DAPK1: variants seen among roughly 807,000 people sequenced by gnomAD.
The protein encoded by DAPK1 is death associated protein kinase 1, also known as death-associated protein kinase 1.
Under a neutral mutation model 144.9 loss-of-function variants are expected in DAPK1, and 56 were observed. The observed-to-expected ratio is 0.39, with a 90% CI of 0.31 to 0.48. The LOEUF is 0.48. Among genes scored for constraint, DAPK1 ranks in the 20% least tolerant of loss-of-function variants. DAPK1 has a pLI of 0.95. For missense variants in DAPK1, 1,454 were observed against 1,875.4 expected, an observed-to-expected ratio of 0.78 and a Z score of 4.15; for synonymous variants, 690 against 749.0, an observed-to-expected ratio of 0.92 and a Z score of 1.29.
At chr9:87,536,713 G>A (rs942591726) in intron 2 of DAPK1, among the ~76,000 whole-genome samples, 7 of 151,980 alleles carry the variant, frequency 4.6e-5, no homozygotes, top group South Asian at 2.1e-4. Context: ...TTTCTTTTGC[G>A]TATTTATAGC....
At chr9:87,584,169 C>T (rs1365819077) in intron 2 of DAPK1, among the ~76,000 whole-genome samples, 1 of 152,190 alleles carries the variant, frequency 6.6e-6, no homozygotes, top group East Asian at 1.9e-4. Context: ...CATTACCTCA[C>T]ATGGTTATCA....
intron 2 of DAPK1, among the ~76,000 whole-genome samples, chr9:87,548,550 A>C (rs1413040206): frequency 6.6e-6 from 1 of 152,228 alleles, no homozygotes; most frequent in East Asian, 1.9e-4. Flanking sequence ...TCTTTGAGCT[A>C]ATGCTGAAAC....
At position 87,527,705 on chromosome 9, in the gene DAPK1, G is replaced by A. The variant is rs138579481; in HGVS notation, c.62+28566G>A. Among the ~76,000 whole-genome samples, 6 of 152,194 alleles carry A rather than the reference G, an allele frequency of 3.9e-5. No individual in the cohort carries two copies. The South Asian group carries it at 1.2e-3, about 32-fold the overall frequency. ...AAACACAAGCCTAATGTTTTCTTTG[G>A]ACAGTTTCCAAACACTGAGCTTCTT... On this transcript the variant is annotated intron_variant, in intron 2 of 25. Transcript: ENST00000408954.
At chr9:87,685,021 C>T (rs1166953421) in intron 20 of DAPK1, among the ~76,000 whole-genome samples, 1 of 152,202 alleles carries the variant, frequency 6.6e-6, no homozygotes, top group Non-Finnish European at 1.5e-5. Flanking sequence ...TTCCAGGTCA[C>T]AGGGAAGTGG....
intron 3 of DAPK1, among the ~76,000 whole-genome samples, chr9:87,610,081 G>A (rs1828871988): frequency 6.6e-6 from 1 of 152,170 alleles, no homozygotes; most frequent in Admixed American, 6.5e-5. Flanking sequence ...CATTAATGGT[G>A]CAGTTGTCAA....
intron 2 of DAPK1, among the ~76,000 whole-genome samples, chr9:87,551,688 G>A (rs1482913575): frequency 1.3e-5 from 2 of 152,174 alleles, no homozygotes; most frequent in East Asian, 1.9e-4. Flanking sequence ...CTGGCCCAGG[G>A]CCACATCCTC....
At chr9:87,592,799 C>T (rs1420680777) in intron 2 of DAPK1, among the ~76,000 whole-genome samples, 1 of 152,054 alleles carries the variant, frequency 6.6e-6, no homozygotes, top group Non-Finnish European at 1.5e-5. Context: ...TATCATCTTT[C>T]AGTTTTATCT....
At chr9:87,630,611 G>T (rs984381227) in intron 3 of DAPK1, among the ~76,000 whole-genome samples, 9 of 152,144 alleles carry the variant, frequency 5.9e-5, no homozygotes, top group Non-Finnish European at 8.8e-5. Flanking sequence ...ACATCATTTT[G>T]GTCCATATTT....
intron 3 of DAPK1, among the ~76,000 whole-genome samples, chr9:87,629,600 AC>A (rs1211641615): frequency 6.6e-6 from 1 of 152,072 alleles, no homozygotes; most frequent in Non-Finnish European, 1.5e-5. Context: ...GTGGTCTCAA[AC>A]TTGGGGCCTC....
At chr9:87,616,858 G>A (rs1829117199) in intron 3 of DAPK1, among the ~76,000 whole-genome samples, 1 of 152,214 alleles carries the variant, frequency 6.6e-6, no homozygotes, top group South Asian at 2.1e-4. Flanking sequence ...GGGGCTACCT[G>A]TTGGCCAAAC....
At chr9:87,640,643 C>T (rs1830064236) in intron 8 of DAPK1, among the ~76,000 whole-genome samples, 159 bp from the exon 9 acceptor site, 1 of 152,258 alleles carries the variant, frequency 6.6e-6, no homozygotes, top group Non-Finnish European at 1.5e-5. Context: ...CCTGCAGGCA[C>T]AGTGAAATAA....
rs539031584 is a variant in DAPK1, at chr9:87,594,416, T to C, written c.63-10538T>C. 3.9e-5 allele frequency among the ~76,000 whole-genome samples: 6 copies of C among 152,300 alleles called. No homozygotes were observed. The South Asian group carries it at 1.0e-3, about 26-fold the overall frequency. ...CTCTGCACACCGCCCACTGGGCACT[T>C]GCAAGTCTGTTGCACTGACGTGTCT... On this transcript the variant is annotated intron_variant, in intron 2 of 25. Transcript: ENST00000408954.
chr9:87,531,071 T>C (rs1280883774), intron 2 of DAPK1, among the ~76,000 whole-genome samples: 1 of 152,208 alleles, frequency 6.6e-6, no homozygotes, highest in Non-Finnish European at 1.5e-5. Flanking sequence ...ATCTATCTAA[T>C]TCCTTCTCTG....
In DAPK1 at chr9:87,639,823, T is replaced by G; in HGVS notation, c.629+8T>G. On this transcript the variant is annotated splice_region_variant and intron_variant, in intron 7 of 25. Coordinates refer to ENST00000408954, the MANE Select transcript of DAPK1 (RefSeq NM_004938.4). Reference sequence around the variant, plus strand: ...GGTAATAACCTATATCCTGTAAGTATCAGAATTCACAACTCATACTCTCTT... The same window carrying G: ...GGTAATAACCTATATCCTGTAAGTAGCAGAATTCACAACTCATACTCTCTT... The G allele has an allele frequency of 1.9e-6, 3 of 1,613,382 alleles. No homozygotes were observed. Among genetic ancestry groups the G allele is most frequent in the Non-Finnish European group, 2.5e-6 (3 of 1,179,462 alleles).
At chr9:87,588,807 A>G (rs1403759838) in intron 2 of DAPK1, among the ~76,000 whole-genome samples, 1 of 152,296 alleles carries the variant, frequency 6.6e-6, no homozygotes, top group Admixed American at 6.5e-5. Context: ...ACTCAATGCT[A>G]TGTATGCTTT....
chr9:87,703,240 A>G lies in DAPK1; in HGVS notation c.3060+23A>G, dbSNP rs780166913. The G allele has an allele frequency of 8.0e-6, 12 of 1,505,732 alleles. No homozygotes were observed. In the South Asian group the frequency reaches 1.4e-4, roughly 17 times the overall value. 93.3% of individuals were successfully genotyped at this position (1,505,732 alleles called of 1,614,324 possible). On this transcript the variant is annotated intron_variant, in intron 25 of 25. Coordinates refer to ENST00000408954, the MANE Select transcript of DAPK1 (RefSeq NM_004938.4). The stretch of plus-strand genomic sequence containing the variant: ...GAGGTGAGCCCCTGGGAGCCCAGGC[A>G]GGGGGCCGTGAGAGGTGCCAGGGAC...
intron 12 of DAPK1, 112 bp downstream of exon 12, chr9:87,646,126 C>T (rs1830259325): frequency 7.6e-7 from 1 of 1,317,690 alleles, no homozygotes; most frequent in Non-Finnish European, 1.0e-6. Context: ...ATTGGAAGCT[C>T]CATACTGTGG....
chr9:87,502,029 A>G (rs1824421644), intron 2 of DAPK1, among the ~76,000 whole-genome samples: 1 of 152,208 alleles, frequency 6.6e-6, no homozygotes, highest in African/African-American at 2.4e-5. Context: ...GTAGAGAGTT[A>G]AACAAATATA....
chr9:87,529,039 C>T, intron 2 of DAPK1, among the ~76,000 whole-genome samples: 1 of 152,160 alleles, frequency 6.6e-6, no homozygotes, highest in South Asian at 2.1e-4. Context: ...GTGCTCACCT[C>T]CCAGGTGCTG....
Sources: allele counts gnomAD v4.1 joint callset (sites outside exome capture counted in the v4.1 genomes callset), GRCh38; gene constraint gnomAD v4.1.1; transcripts MANE v1.5; gene names NCBI Gene and HGNC (gene_info 2026-07-23, HGNC 2026-07-21).